The following LRRC37A2 variants were observed in gnomAD, a reference collection of about 807,000 sequenced individuals.
The protein encoded by LRRC37A2 is leucine-rich repeat-containing protein 37A2.
LRRC37A2 carries 9 observed loss-of-function variants against 68.8 expected under a neutral mutation model. The ratio of observed to expected loss-of-function variants is 0.13; its 90% CI spans 0.08 to 0.23. The LOEUF (loss-of-function observed/expected upper bound fraction) is 0.23, where lower values mean the gene tolerates loss of function less well. LRRC37A2 is among the 10% of genes least tolerant of loss of function. LRRC37A2 has a pLI of 1.00. For missense variants in LRRC37A2, 168 were observed against 950.4 expected, an observed-to-expected ratio of 0.18 and a Z score of 10.82; for synonymous variants, 63 against 367.6, an observed-to-expected ratio of 0.17 and a Z score of 9.48.
chr17:46,831,158 G>A, the LRRC37A2 span, among the ~76,000 whole-genome samples: 1 of 152,220 alleles, frequency 6.6e-6, no homozygotes, highest in African/African-American at 2.4e-5. Context: ...CGGAACATGG[G>A]ACAACAGAGC....
chr17:46,908,625 C>G, the LRRC37A2 span, among the ~76,000 whole-genome samples: 3 of 152,150 alleles, frequency 2.0e-5, no homozygotes, highest in African/African-American at 4.8e-5. Context: ...AGAGATGTGG[C>G]CGCCATCTGG....
the LRRC37A2 span, among the ~76,000 whole-genome samples, chr17:46,982,656 T>C: frequency 6.6e-6 from 1 of 152,172 alleles, no homozygotes; most frequent in Non-Finnish European, 1.5e-5. Context: ...ACGCTCTTCA[T>C]TATCCCCGTC....
chr17:46,915,526 T>C, the LRRC37A2 span, among the ~76,000 whole-genome samples: 1 of 152,224 alleles, frequency 6.6e-6, no homozygotes. Context: ...ATGGTAGCAG[T>C]AGCAAAGAAT....
At chr17:46,723,059 T>G in the LRRC37A2 span, among the ~76,000 whole-genome samples, 7,047 of 152,280 alleles carry the variant, frequency 0.046, 537 homozygotes, top group African/African-American at 0.16. Flanking sequence ...TGGAATGCTT[T>G]GTGAATTACA....
the LRRC37A2 span, chr17:46,938,547 C>T: frequency 6.2e-7 from 1 of 1,611,784 alleles, no homozygotes; most frequent in South Asian, 1.1e-5. Context: ...TTCACCCACT[C>T]TTGGTAAAGC....
the LRRC37A2 span, among the ~76,000 whole-genome samples, chr17:46,820,239 C>CG: frequency 2.0e-5 from 3 of 152,108 alleles, no homozygotes; most frequent in Non-Finnish European, 4.4e-5. Flanking sequence ...GAAATGGCCT[C>CG]GGGGGCACCA....
chr17:46,719,177 T>G, the LRRC37A2 span, among the ~76,000 whole-genome samples: 1 of 152,190 alleles, frequency 6.6e-6, no homozygotes, highest in Non-Finnish European at 1.5e-5. The surrounding 1 kb of genome is among the most constrained non-coding windows in gnomAD (Gnocchi z 4.3). Context: ...ATGCTCAAAT[T>G]TAAGATTTTT....
At chr17:46,938,571 T>C in the LRRC37A2 span, 1 of 1,608,224 alleles carries the variant, frequency 6.2e-7, no homozygotes, top group Non-Finnish European at 8.5e-7. Flanking sequence ...TTGATGTTTG[T>C]TTTTTTTTCT....
the LRRC37A2 span, among the ~76,000 whole-genome samples, chr17:46,753,016 G>A: frequency 2.0e-5 from 3 of 152,168 alleles, no homozygotes; most frequent in Admixed American, 1.3e-4. Context: ...TGATCTGCCC[G>A]CCTCGGCCTC....
At chr17:46,934,809 A>T in the LRRC37A2 span, among the ~76,000 whole-genome samples, 1 of 150,690 alleles carries the variant, frequency 6.6e-6, no homozygotes, top group East Asian at 1.9e-4. Flanking sequence ...GTGGAGTGGA[A>T]CTCATTTGGA....
At chr17:46,755,253 G>A in the LRRC37A2 span, 1 of 1,278,504 alleles carries the variant, frequency 7.8e-7, no homozygotes, top group Non-Finnish European at 1.1e-6. Flanking sequence ...TTCTCATGAA[G>A]CAAGTGCAGA....
chr17:46,995,608 T>G, the LRRC37A2 span, among the ~76,000 whole-genome samples: 2 of 152,164 alleles, frequency 1.3e-5, no homozygotes, highest in African/African-American at 2.4e-5. Context: ...AGCAGCCATA[T>G]TGTACCATGG....
At chr17:47,014,650 G>A in the LRRC37A2 span, among the ~76,000 whole-genome samples, 1 of 151,684 alleles carries the variant, frequency 6.6e-6, no homozygotes, top group African/African-American at 2.4e-5. Flanking sequence ...GTGGACACAG[G>A]AGAGGGGTTA....
chr17:46,820,735 T>G, the LRRC37A2 span, among the ~76,000 whole-genome samples: 1 of 152,142 alleles, frequency 6.6e-6, no homozygotes, highest in East Asian at 1.9e-4. Context: ...GGAGGCCTGC[T>G]AGGTCCTACC....
the LRRC37A2 span, among the ~76,000 whole-genome samples, chr17:46,824,333 C>T: frequency 6.6e-6 from 1 of 152,194 alleles, no homozygotes; most frequent in Non-Finnish European, 1.5e-5. Flanking sequence ...ACTGCAGCAT[C>T]CACCTCCTGG....
the LRRC37A2 span, among the ~76,000 whole-genome samples, chr17:46,678,519 T>C: frequency 6.6e-6 from 1 of 150,930 alleles, no homozygotes. Flanking sequence ...GAATACCGTT[T>C]AAAGGTCTGG....
At chr17:46,870,931 G>C in the LRRC37A2 span, among the ~76,000 whole-genome samples, 4 of 109,620 alleles carry the variant, frequency 3.6e-5, no homozygotes, top group Non-Finnish European at 7.0e-5. Flanking sequence ...TTTTTTTTGA[G>C]ATAGGGTCTT....
chr17:46,455,919 A>C, the LRRC37A2 span, among the ~76,000 whole-genome samples: 2 of 107,956 alleles, frequency 1.9e-5, no homozygotes, highest in African/African-American at 6.8e-5. Flanking sequence ...TTAGTTTTTT[A>C]TTCCTCACTC....
the LRRC37A2 span, among the ~76,000 whole-genome samples, chr17:46,799,309 T>C: frequency 6.6e-6 from 1 of 152,208 alleles, no homozygotes; most frequent in Non-Finnish European, 1.5e-5. Flanking sequence ...CAGCCTTTTC[T>C]GTTTTGGAAG....
Sources: gnomAD v4.1 joint callset for allele counts (sites outside exome capture counted in the v4.1 genomes callset) on GRCh38, gnomAD v4.1.1 for gene constraint, Gnocchi (gnomAD v3.1) non-coding constraint, MANE v1.5 for transcripts, NCBI Gene and HGNC (gene_info 2026-07-23, HGNC 2026-07-21) for gene names.